The following FNDC3B variants were observed in gnomAD, a reference collection of about 807,000 sequenced individuals.
FNDC3B encodes the protein fibronectin type III domain containing 3B.
In FNDC3B, 12 loss-of-function variants were observed where a neutral mutation model predicts 151.5. The ratio of observed to expected loss-of-function variants is 0.08; its 90% confidence interval spans 0.05 to 0.13. The LOEUF is 0.13. Ranked by LOEUF, FNDC3B falls within the 10% of genes least tolerant of loss-of-function variation. The pLI is 1.00. For missense variants in FNDC3B, 1,214 were observed against 1,505.3 expected (o/e 0.81, Z 3.20); for synonymous variants, 528 against 549.0 (o/e 0.96, Z 0.54).
intron 6 of FNDC3B, among the ~76,000 whole-genome samples, chr3:172,277,763 C>T (rs988653490): frequency 1.3e-5 from 2 of 152,204 alleles, no homozygotes; most frequent in African/African-American, 4.8e-5. Context: ...GGCTGCATAG[C>T]AGCTGCCCCC....
At chr3:172,111,601 T>C (rs1323751373) in intron 1 of FNDC3B, among the ~76,000 whole-genome samples, 1 of 152,200 alleles carries the variant, frequency 6.6e-6, no homozygotes, top group African/African-American at 2.4e-5. Context: ...TTTTGATACT[T>C]CCAAGGGAGG....
intron 4 of FNDC3B, among the ~76,000 whole-genome samples, chr3:172,236,523 C>A (rs1727173776): frequency 6.6e-6 from 1 of 152,138 alleles, no homozygotes; most frequent in African/African-American, 2.4e-5. Context: ...CACTTCGATT[C>A]TTATATATTA....
Position 172,343,028 on chromosome 3 carries a change from T to G in FNDC3B, c.1989T>G (p.Pro663=), listed in dbSNP as rs749167661. ...GGHSQCSESL[P]VRTLSIAPGQ... ...TCCTGCAGTGTTCTGAAAGTCTCCC[T>G]GTTCGCACACTAAGCATTGCACCAG... Residue 663 remains proline (P), a synonymous_variant, in exon 18 of 26, where the codon CCT becomes CCG. Coordinates refer to ENST00000415807, the MANE Select transcript of FNDC3B (RefSeq NM_022763.4). 6.8e-6 allele frequency: 11 copies of G among 1,611,588 alleles called. No homozygotes were observed. The highest frequency in any genetic ancestry group is 9.3e-6 in the Non-Finnish European group (11 of 1,177,752).
chr3:172,324,853 G>A (rs377065599), intron 11 of FNDC3B, among the ~76,000 whole-genome samples: 1 of 152,286 alleles, frequency 6.6e-6, no homozygotes, highest in South Asian at 2.1e-4. Context: ...TCCATACCCC[G>A]CTGAGAACAG....
At chr3:172,060,145 C>T (rs1336567576) in intron 1 of FNDC3B, among the ~76,000 whole-genome samples, 3 of 152,178 alleles carry the variant, frequency 2.0e-5, no homozygotes, top group African/African-American at 7.2e-5. Flanking sequence ...CCCTCATAGT[C>T]AGTGGGGCCC....
intron 6 of FNDC3B, among the ~76,000 whole-genome samples, chr3:172,276,624 G>A (rs73029393): frequency 0.036 from 5,496 of 152,256 alleles, 343 homozygotes; most frequent in African/African-American, 0.13. Context: ...ACAATACCTT[G>A]AGCAAGTGAC....
rs138493772 is a variant in FNDC3B, at chr3:172,198,578, A to G, written c.188-28293A>G. On this transcript the variant is annotated intron_variant, in intron 3 of 25. Transcript: ENST00000415807. ...GTACATGTAACCAGCCTCTCAGTGC[A>G]TCTTTCCCTCACACCCTAGGCTCTG... Among the ~76,000 whole-genome samples, 91 of 152,284 alleles carry G rather than the reference A, an allele frequency of 6.0e-4. 1 individual carries two copies. The highest frequency in any genetic ancestry group is 2.1e-3 in the African/African-American group (89 of 41,550).
At chr3:172,219,077 G>A (rs1424765810) in intron 3 of FNDC3B, among the ~76,000 whole-genome samples, 1 of 152,126 alleles carries the variant, frequency 6.6e-6, no homozygotes, top group African/African-American at 2.4e-5. Context: ...GCTTGCTTCT[G>A]GGCCTCAGTC....
intron 2 of FNDC3B, among the ~76,000 whole-genome samples, chr3:172,118,067 T>C (rs1239740535): frequency 6.6e-6 from 1 of 152,246 alleles, no homozygotes. Context: ...CCCTCTTTTG[T>C]TTCTTCTTTT....
chr3:172,362,673 T>C lies in FNDC3B; in HGVS notation c.2836T>C (p.Phe946Leu). Residue 946 changes from phenylalanine (F) to leucine (L), a missense_variant, in exon 23 of 26, where the codon TTT becomes CTT. Physicochemically the swap from Phe to Leu is conservative, Grantham distance 22. Transcript: ENST00000415807. The part of the protein sequence containing the change: ...QAINEIGAGP[F>L]SQFIKAKTRP... ...TATAAATGAAATTGGAGCTGGACCATTTAGTCAGTTCATTAAAGCAAAAAC... is the reference window on the plus strand; with the variant it reads ...TATAAATGAAATTGGAGCTGGACCACTTAGTCAGTTCATTAAAGCAAAAAC... 1 of 1,614,036 alleles carries C rather than the reference T, an allele frequency of 6.2e-7. No homozygotes were observed. The highest frequency in any genetic ancestry group is 8.5e-7 in the Non-Finnish European group (1 of 1,179,942).
chr3:172,336,677 G>C (rs1488626909), intron 15 of FNDC3B, among the ~76,000 whole-genome samples: 2 of 145,590 alleles, frequency 1.4e-5, no homozygotes, highest in African/African-American at 5.0e-5. Flanking sequence ...GAGGCAAGTG[G>C]ATCACCTGAG....
chr3:172,228,962 C>T (rs1442755004), intron 4 of FNDC3B, among the ~76,000 whole-genome samples: 3 of 152,170 alleles, frequency 2.0e-5, no homozygotes, highest in Non-Finnish European at 2.9e-5. Context: ...TTAACGCTGG[C>T]AGTACACACA....
intron 1 of FNDC3B, among the ~76,000 whole-genome samples, chr3:172,055,556 CAAAA>C (rs1716872620): frequency 6.6e-6 from 1 of 150,900 alleles, no homozygotes; most frequent in Non-Finnish European, 1.5e-5. Flanking sequence ...TACTAGTTGA[CAAAA>C]AAGAGAACAG....
At chr3:172,106,552 T>C (rs1719653722) in intron 1 of FNDC3B, among the ~76,000 whole-genome samples, 1 of 152,234 alleles carries the variant, frequency 6.6e-6, no homozygotes, top group Non-Finnish European at 1.5e-5. Flanking sequence ...AACTCACATC[T>C]TGAATTAATG....
At chr3:172,334,632 G>A (rs1029094600) in intron 14 of FNDC3B, among the ~76,000 whole-genome samples, 9 of 152,054 alleles carry the variant, frequency 5.9e-5, no homozygotes, top group Admixed American at 6.5e-5. Flanking sequence ...AGTAGAGATG[G>A]GGTTTCTCCA....
rs368222046 is a variant in FNDC3B at position 172,223,994 on chromosome 3, G to A, written c.188-2877G>A. Among the ~76,000 whole-genome samples, 259 of 152,342 alleles carry A rather than the reference G, an allele frequency of 1.7e-3. 1 individual carries two copies. Among genetic ancestry groups the A allele is most frequent in the African/African-American group, 6.1e-3 (255 of 41,570 alleles). ...TATGACTATTAGGAAGTAAGGTTCA[G>A]AAAGGCTAAGTGAATTGTTCAAGGT... On this transcript the variant is annotated intron_variant, in intron 3 of 25. Coordinates refer to ENST00000415807, the MANE Select transcript of FNDC3B (RefSeq NM_022763.4).
intron 23 of FNDC3B, among the ~76,000 whole-genome samples, chr3:172,369,716 C>G (rs1734791524): frequency 6.6e-6 from 1 of 152,122 alleles, no homozygotes; most frequent in Non-Finnish European, 1.5e-5. Context: ...GGACTCTTGC[C>G]AACATCAAAA....
At chr3:172,158,695 G>C (rs1722621826) in intron 3 of FNDC3B, among the ~76,000 whole-genome samples, 1 of 152,140 alleles carries the variant, frequency 6.6e-6, no homozygotes, top group African/African-American at 2.4e-5. Context: ...TTGGTGTGAA[G>C]TCTAAAGACC....
chr3:172,127,065 G>C (rs1284348314), intron 2 of FNDC3B: 3 of 456,572 alleles, frequency 6.6e-6, no homozygotes, highest in Non-Finnish European at 4.4e-6. Flanking sequence ...GAGGTGAGAA[G>C]TGGCTGGTTT....
Sources: allele counts gnomAD v4.1 joint callset (sites outside exome capture counted in the v4.1 genomes callset), GRCh38; gene constraint gnomAD v4.1.1; transcripts MANE v1.5; gene names NCBI Gene and HGNC (gene_info 2026-07-23, HGNC 2026-07-21).